Variants in KIF17 observed in about 807,000 individuals in gnomAD.
KIF17 encodes kinesin family member 17, also known as kinesin-like protein KIF17.
KIF17 carries 80 observed loss-of-function variants against 96.8 expected under a neutral mutation model. The observed-to-expected ratio is 0.83, with a 90% CI of 0.69 to 1.00. KIF17 has a LOEUF of 1.00. KIF17 is among the 50% of genes least tolerant of loss of function. KIF17 has a pLI of 0.00. For synonymous variants in KIF17, 567 were observed against 587.5 expected (o/e 0.97, Z 0.51); for missense variants, 1,280 against 1,372.9 (o/e 0.93, Z 1.07).
chr1:20,713,695 C>T, intron 2 of KIF17, 140 bp from the exon 3 acceptor site: 1 of 705,398 alleles, frequency 1.4e-6, no homozygotes, highest in Admixed American at 2.0e-5. Context: ...GAGTCTCCAA[C>T]CCAACCCGCC....
In KIF17 at chr1:20,717,630, G is replaced by C. The variant is rs772732709; in HGVS notation, c.77C>G (p.Pro26Arg). The C allele has an allele frequency of 1.6e-5, 25 of 1,608,576 alleles. No homozygotes were observed. Among genetic ancestry groups the C allele is most frequent in the Non-Finnish European group, 8.5e-7 (1 of 1,179,126 alleles). Residue 26 changes from proline to arginine, a missense_variant, in exon 1 of 15, where the codon CCC becomes CGC. Transcript: ENST00000400463. ...GCGCGCGCAGTCCACAGTCACCACGGGCTGGCAGCGCAGCTCTCGCTCCCG... is the reference window on the plus strand; with the variant it reads ...GCGCGCGCAGTCCACAGTCACCACGCGCTGGCAGCGCAGCTCTCGCTCCCG... ...NQRERELRCQ[P>R]VVTVDCARAQ...
Position 20,690,349 on chromosome 1 carries a change from A to T in KIF17, c.1234-14T>A. ...CTCTTCATACTCCTGGGGGGGTGGG[A>T]GGGACCAGAGGGCAGGCAGCATTTT... On this transcript the variant is annotated splice_polypyrimidine_tract_variant and intron_variant, in intron 6 of 14. Coordinates refer to ENST00000400463, the MANE Select transcript of KIF17 (RefSeq NM_001122819.3). 33 of 256,002 alleles carry T rather than the reference A, an allele frequency of 1.3e-4. No homozygotes were observed. The highest frequency in any genetic ancestry group is 2.1e-4 in the Non-Finnish European group (30 of 143,130). 15.9% of individuals were successfully genotyped at this position (256,002 alleles called of 1,614,324 possible). A position where few individuals can be genotyped will look rare whatever the true frequency, so the allele number is the denominator to read the frequency against.
intron 6 of KIF17, among the ~76,000 whole-genome samples, chr1:20,694,739 C>T (rs899410479): frequency 1.3e-5 from 2 of 152,170 alleles, no homozygotes; most frequent in Non-Finnish European, 1.5e-5. Context: ...TACACTTGAA[C>T]CTCAAAGCAA....
At chr1:20,682,542 T>C (rs2053847530) in intron 11 of KIF17, 111 bp downstream of exon 11, 2 of 851,858 alleles carry the variant, frequency 2.3e-6, no homozygotes, top group South Asian at 1.4e-5. Flanking sequence ...ATGCCTGCTG[T>C]GTAAAGAGTA....
chr1:20,684,941 G>T lies in KIF17; in HGVS notation c.2099C>A (p.Pro700Gln). 1 of 1,602,248 alleles carries T rather than the reference G, an allele frequency of 6.2e-7. No homozygotes were observed. Among genetic ancestry groups the T allele is most frequent in the East Asian group, 2.3e-5 (1 of 44,140 alleles). ...CTCAGGCTGAGCCACCAGGGCCACC[G>T]GGGCCTGAGCCTCCAACCACACGCC... ...EPGVWLEAQA[P>Q]VALVAQPEPL... Residue 700 changes from proline to glutamine, a missense_variant, in exon 10 of 15, where the codon CCG becomes CAG. Pro to Gln is a moderately conservative substitution (Grantham distance 76). Coordinates refer to ENST00000400463, the MANE Select transcript of KIF17 (RefSeq NM_001122819.3).
rs1332227583 is a variant in KIF17 at position 20,712,593 on chromosome 1, TC to T, written c.480+860del. Among the ~76,000 whole-genome samples, 2 of 14,224 alleles carry T rather than the reference TC, an allele frequency of 1.4e-4. 1 individual carries two copies. Among genetic ancestry groups the T allele is most frequent in the Non-Finnish European group, 4.0e-4 (2 of 4,998 alleles). The allele number at this position is 14,224 out of a possible 152,430, so 9.3% of individuals were successfully genotyped here. A position where few individuals can be genotyped will look rare whatever the true frequency, so the allele number is the denominator to read the frequency against. Reference sequence around the variant, plus strand: ...ATAGATAATATTATCTATATATATATCTATATATATCTATATATATATAATA... The same window carrying T: ...ATAGATAATATTATCTATATATATATTATATATATCTATATATATATAATA... On this transcript the variant is annotated intron_variant, in intron 3 of 14. Coordinates refer to ENST00000400463, the MANE Select transcript of KIF17 (RefSeq NM_001122819.3).
In KIF17 at chr1:20,700,792, A is replaced by C. The variant is rs34821077; in HGVS notation, c.1124-2304T>G. Among the ~76,000 whole-genome samples, 10,243 of 152,086 alleles carry C rather than the reference A, an allele frequency of 0.067. 563 individuals are homozygous for C. Among genetic ancestry groups the C allele is most frequent in the African/African-American group, 0.15 (6,250 of 41,450 alleles). On this transcript the variant is annotated intron_variant, in intron 5 of 14. Transcript: ENST00000400463. This position sits in a 1 kb window ranked among gnomAD's most constrained non-coding sequence, Gnocchi z 4.6. ...CCAGCCGAACCCGAGTCCACACCCC[A>C]AGCCACCTGCTGTATGTAACTCTCA...
intron 2 of KIF17, among the ~76,000 whole-genome samples, chr1:20,713,891 C>A (rs2054527541): frequency 6.6e-6 from 1 of 151,890 alleles, no homozygotes; most frequent in East Asian, 1.9e-4. Flanking sequence ...ACAAACAAAA[C>A]AAAACAAAAA....
intron 11 of KIF17, among the ~76,000 whole-genome samples, chr1:20,676,665 C>T (rs1252720409): frequency 8.6e-5 from 13 of 151,900 alleles, no homozygotes; most frequent in Non-Finnish European, 1.5e-5. Flanking sequence ...AACCTTATCT[C>T]TACTAAATAC....
rs541528068 is a variant in KIF17, at chr1:20,686,244, C to T, written c.1939-118G>A. The T allele has an allele frequency of 1.6e-3, 1,228 of 784,736 alleles. 6 individuals are homozygous for T. Among genetic ancestry groups the T allele is most frequent in the Middle Eastern group, 3.0e-3 (9 of 2,958 alleles). The allele number at this position is 784,736 out of a possible 1,614,324, so 48.6% of individuals were successfully genotyped here. On this transcript the variant is annotated intron_variant, in intron 8 of 14. Coordinates refer to ENST00000400463, the MANE Select transcript of KIF17 (RefSeq NM_001122819.3). Reference sequence around the variant, plus strand: ...AAGGCCTCCCACCACCCCCCAACCTCCCCTGCCTGTCACTCCCGAGAGAAG... The same window carrying T: ...AAGGCCTCCCACCACCCCCCAACCTTCCCTGCCTGTCACTCCCGAGAGAAG...
chr1:20,681,202 G>GTTTTA (rs1209564617), intron 11 of KIF17, among the ~76,000 whole-genome samples: 2 of 150,168 alleles, frequency 1.3e-5, no homozygotes, highest in Non-Finnish European at 3.0e-5. Context: ...GTTTTGTTTT[G>GTTTTA]TTTTTGAGAC....
rs555085191 is a variant in KIF17 at position 20,717,411 on chromosome 1, C to T, written c.231+65G>A. The T allele has an allele frequency of 1.3e-3, 1,988 of 1,580,320 alleles. 19 individuals carry two copies. In the African/African-American group the frequency reaches 0.023, roughly 19 times the overall value. ...TCCTGGCTGGGGGGCAGCGCAGCCC[C>T]CTGGGGACTCTCGGGGCGGCCTCAT... On this transcript the variant is annotated intron_variant, in intron 1 of 14. Transcript: ENST00000400463.
chr1:20,708,138 T>A (rs1031684149), intron 4 of KIF17, among the ~76,000 whole-genome samples: 1 of 152,082 alleles, frequency 6.6e-6, no homozygotes, highest in African/African-American at 2.4e-5. Context: ...TGTCCTCAGT[T>A]GCCCTGGTCT....
intron 13 of KIF17, among the ~76,000 whole-genome samples, chr1:20,668,565 C>A (rs895109867): frequency 6.6e-6 from 1 of 152,182 alleles, no homozygotes; most frequent in Non-Finnish European, 1.5e-5. Flanking sequence ...TCTAGACCAC[C>A]ATGAGTGGCC....
At chr1:20,673,070 CA>C in intron 11 of KIF17, 1 of 152,028 alleles carries the variant, frequency 6.6e-6, no homozygotes, top group Non-Finnish European at 1.5e-5. Context: ...ACTAAAAATA[CA>C]AAAAAATTAG....
At chr1:20,679,835 A>C (rs2154535557) in intron 11 of KIF17, among the ~76,000 whole-genome samples, 1 of 152,334 alleles carries the variant, frequency 6.6e-6, no homozygotes, top group Admixed American at 6.5e-5. Flanking sequence ...TAACACCTTG[A>C]TTTCAGCCTT....
In KIF17 at chr1:20,687,404, G is replaced by C. The variant is rs751586466; in HGVS notation, c.1922C>G (p.Pro641Arg). 1.2e-6 allele frequency: 2 copies of C among 1,613,222 alleles called. No individual in the cohort carries two copies. Among genetic ancestry groups the C allele is most frequent in the Admixed American group, 3.3e-5 (2 of 60,008 alleles). ...ATCAGCTACCTGCACAGGGACCTTG[G>C]GGACGTCTGCCTGGGGTGCATCTGT... ...ARTDAPQADV[P>R]KVPVQVPAPT... is the part of the protein sequence containing the mutation. The change falls in exon 8 of 15, where the codon CCC (proline) becomes CGC (arginine). Residue 641 changes from proline to arginine, a missense_variant. Coordinates refer to ENST00000400463, the MANE Select transcript of KIF17 (RefSeq NM_001122819.3). The surrounding 1 kb of genome is among the most constrained non-coding windows in gnomAD (Gnocchi z 4.4).
chr1:20,703,484 ATAGATG>A (rs1384046894), intron 5 of KIF17, among the ~76,000 whole-genome samples: 3 of 125,608 alleles, frequency 2.4e-5, no homozygotes, highest in Non-Finnish European at 5.1e-5. Flanking sequence ...GGATAGATGG[ATAGATG>A]GATGGATGCA....
Position 20,664,771 on chromosome 1 carries a change from A to C in KIF17, c.2909-9T>G. On this transcript the variant is annotated splice_polypyrimidine_tract_variant and intron_variant, in intron 14 of 14. Coordinates refer to ENST00000400463, the MANE Select transcript of KIF17 (RefSeq NM_001122819.3). The stretch of plus-strand genomic sequence containing the variant: ...TGGCGAGTTGTGATGTGCTGTGGGG[A>C]AGAGGGCAGAGGTGCTGGTAAGCCA... 1 of 1,611,294 alleles carries C rather than the reference A, an allele frequency of 6.2e-7. No individual in the cohort carries two copies. Among genetic ancestry groups the C allele is most frequent in the Non-Finnish European group, 8.5e-7 (1 of 1,179,374 alleles).
Sources: allele counts gnomAD v4.1 joint callset (sites outside exome capture counted in the v4.1 genomes callset), GRCh38; gene constraint gnomAD v4.1.1; non-coding constraint Gnocchi (gnomAD v3.1); transcripts MANE v1.5; gene names NCBI Gene and HGNC (gene_info 2026-07-23, HGNC 2026-07-21).